TET2: variants seen among roughly 807,000 people sequenced by gnomAD.
TET2 encodes methylcytosine dioxygenase TET2.
In TET2, 299 loss-of-function variants were observed where a neutral mutation model predicts 142.9. The ratio of observed to expected loss-of-function variants is 2.09; its 90% confidence interval spans 1.90 to 2.30. The LOEUF (loss-of-function observed/expected upper bound fraction) is 2.30, where lower values mean the gene tolerates loss of function less well. Among genes scored for constraint, TET2 ranks in the 30% most tolerant of loss-of-function variants. TET2 has a pLI of 0.00. For synonymous variants in TET2, 819 were observed against 849.0 expected (o/e 0.96, Z 0.61); for missense variants, 2,418 against 2,378.0 (o/e 1.02, Z -0.35).
At chr4:105,210,843 G>A (rs977163086) in intron 2 of TET2, among the ~76,000 whole-genome samples, 17 of 151,924 alleles carry the variant, frequency 1.1e-4, no homozygotes, top group African/African-American at 3.6e-4. Flanking sequence ...GTATTACTGC[G>A]GTCTCTAAAC....
At chr4:105,272,496 TAC>T (rs149641287) in intron 9 of TET2, 66 bp from the exon 10 acceptor site, 7,616 of 952,916 alleles carry the variant, frequency 8.0e-3, no homozygotes, top group Non-Finnish European at 9.5e-3. Context: ...AGGAGAAAGA[TAC>T]ACACACACAC....
intron 1 of TET2, among the ~76,000 whole-genome samples, chr4:105,164,594 TAATC>T (rs1724056009): frequency 6.6e-6 from 1 of 152,204 alleles, no homozygotes; most frequent in Non-Finnish European, 1.5e-5. Context: ...TCATAGGAAA[TAATC>T]AATGCTTTGA....
At chr4:105,210,775 T>C (rs1727111236) in intron 2 of TET2, among the ~76,000 whole-genome samples, 1 of 152,204 alleles carries the variant, frequency 6.6e-6, no homozygotes, top group Non-Finnish European at 1.5e-5. Context: ...GTGTCCTAAA[T>C]TTATCCATTT....
intron 2 of TET2, among the ~76,000 whole-genome samples, chr4:105,218,511 GTTAT>G (rs1727627822): frequency 6.6e-6 from 1 of 152,200 alleles, no homozygotes; most frequent in African/African-American, 2.4e-5. Context: ...TTCGTGATGA[GTTAT>G]TTAATTGAAG....
chr4:105,276,430 A>C lies in TET2; in HGVS notation c.5920A>C (p.Arg1974=). 3 of 1,551,980 alleles carry C rather than the reference A, an allele frequency of 1.9e-6. No homozygotes were observed. Among genetic ancestry groups the C allele is most frequent in the Non-Finnish European group, 2.6e-6 (3 of 1,147,046 alleles). The change falls in exon 11 of 11, where the codon AGG becomes CGG. Residue 1974 remains arginine (R), a synonymous_variant. Transcript: ENST00000380013. The part of the protein sequence containing the change: ...YLRFIKSLAE[R]TMSVTTDSTV... ...GCGTTTCATCAAGTCTCTTGCCGAA[A>C]GGACCATGTCCGTGACCACAGACTC...
In TET2 at chr4:105,275,963, A is replaced by G; in HGVS notation, c.5453A>G (p.Lys1818Arg). ...RTACVQGGLH[K>R]LSDANGQEKQ... ...GCTTGTGTCCAAGGAGGCTTACACA[A>G]ATTAAGTGATGCTAATGGTCAGGAA... The change falls in exon 11 of 11, where the codon AAA becomes AGA. Residue 1818 changes from lysine to arginine, a missense_variant. Coordinates refer to ENST00000380013, the MANE Select transcript of TET2 (RefSeq NM_001127208.3). The G allele has an allele frequency of 6.4e-7, 1 of 1,551,828 alleles. No individual in the cohort carries two copies.
chr4:105,227,355 C>T (rs1484408179), intron 2 of TET2, among the ~76,000 whole-genome samples: 2 of 152,178 alleles, frequency 1.3e-5, no homozygotes, highest in Admixed American at 6.5e-5. Context: ...CCAGCATCCT[C>T]TTAGGAAAGA....
chr4:105,179,489 A>G (rs1724994903), intron 1 of TET2, among the ~76,000 whole-genome samples: 1 of 152,228 alleles, frequency 6.6e-6, no homozygotes, highest in Non-Finnish European at 1.5e-5. Flanking sequence ...TCATGTACCT[A>G]CAGACAGACT....
intron 6 of TET2, among the ~76,000 whole-genome samples, chr4:105,250,380 ATTTTTTTTTTTTTT>A (rs59695275): frequency 1.7e-4 from 10 of 60,316 alleles, no homozygotes; most frequent in Non-Finnish European, 2.0e-4. Context: ...TCCTTTCTGG[ATTTTTTTTTTTTTT>A]TTTTTTTTTT....
At chr4:105,257,848 GA>G (rs1281326673) in intron 6 of TET2, among the ~76,000 whole-genome samples, 2 of 152,124 alleles carry the variant, frequency 1.3e-5, no homozygotes, top group African/African-American at 2.4e-5. Flanking sequence ...TGCCTCTGTG[GA>G]AAAGGTGGTT....
At chr4:105,256,760 C>G (rs1242960229) in intron 6 of TET2, among the ~76,000 whole-genome samples, 1 of 152,090 alleles carries the variant, frequency 6.6e-6, no homozygotes, top group Non-Finnish European at 1.5e-5. Context: ...TTCCACAGAT[C>G]TCTGAGGTTC....
rs1210077067 is a variant in TET2 at position 105,279,012 on chromosome 4, GT to G, written c.*2497del. The G allele has an allele frequency of 1.3e-5, 3 of 232,740 alleles. No homozygotes were observed. Among genetic ancestry groups the G allele is most frequent in the African/African-American group, 2.2e-5 (1 of 45,326 alleles). The allele number at this position is 232,740 out of a possible 1,614,324, so 14.4% of individuals were successfully genotyped here. A position where few individuals can be genotyped will look rare whatever the true frequency, so the allele number is the denominator to read the frequency against. The stretch of plus-strand genomic sequence containing the variant: ...ATTCTTAATCAGAGGAGGCCTTTGG[GT>G]TTTATTGGTCAAATCTTTGTAAGCT... On this transcript the variant is annotated 3_prime_UTR_variant, in exon 11 of 11. Transcript: ENST00000380013.
At chr4:105,152,318 T>G (rs182836960) in intron 1 of TET2, among the ~76,000 whole-genome samples, 94 of 151,838 alleles carry the variant, frequency 6.2e-4, no homozygotes, top group African/African-American at 2.0e-3. Context: ...AGGAGATGAA[T>G]AAATTGGGAT....
chr4:105,250,379 G>GGTTTT (rs1560557797), intron 6 of TET2, among the ~76,000 whole-genome samples: 1 of 75,142 alleles, frequency 1.3e-5, no homozygotes, highest in African/African-American at 5.2e-5. Context: ...TTCCTTTCTG[G>GGTTTT]ATTTTTTTTT....
intron 2 of TET2, among the ~76,000 whole-genome samples, chr4:105,228,592 CATGT>C (rs1439631599): frequency 2.0e-5 from 3 of 151,932 alleles, no homozygotes; most frequent in African/African-American, 7.2e-5. Context: ...AGTAGAAAAA[CATGT>C]ATTATGTACA....
chr4:105,271,346 A>G (rs1730956048), intron 9 of TET2, among the ~76,000 whole-genome samples: 1 of 152,214 alleles, frequency 6.6e-6, no homozygotes, highest in Admixed American at 6.5e-5. Context: ...AAGCAGAAGT[A>G]GTAAATGATA....
chr4:105,240,352 C>T, intron 3 of TET2: 1 of 1,068,302 alleles, frequency 9.4e-7, no homozygotes, highest in Admixed American at 5.4e-5. Context: ...TGTTAAAATT[C>T]AGGATATGTA....
chr4:105,159,233 C>G (rs986021180), intron 1 of TET2, among the ~76,000 whole-genome samples: 1 of 150,592 alleles, frequency 6.6e-6, no homozygotes, highest in African/African-American at 2.4e-5. Context: ...CAAGATTAAT[C>G]TTTTTCTTTC....
chr4:105,146,751 C>G (rs1723037237), upstream of TET2: 1 of 152,052 alleles, frequency 6.6e-6, no homozygotes. Flanking sequence ...GCGCCCGGGT[C>G]CCGCTCGCAT....
Sources: allele counts gnomAD v4.1 joint callset (sites outside exome capture counted in the v4.1 genomes callset), GRCh38; gene constraint gnomAD v4.1.1; transcripts MANE v1.5; gene names NCBI Gene and HGNC (gene_info 2026-07-23, HGNC 2026-07-21).